Variants in VIP observed in about 807,000 individuals in gnomAD.
VIP encodes vasoactive intestinal peptide, also known as VIP peptides.
A neutral mutation model predicts 20.1 loss-of-function variants in VIP; 18 were observed. The observed-to-expected ratio is 0.90, with a 90% CI of 0.62 to 1.33. The LOEUF is 1.33. Ranked by LOEUF, VIP falls within the 40% of genes most tolerant of loss-of-function variation. The pLI, the probability that VIP is intolerant of heterozygous loss-of-function variation, is 0.00. For synonymous variants in VIP, 70 were observed against 68.1 expected (o/e 1.03, Z -0.14); for missense variants, 209 against 199.4 (o/e 1.05, Z -0.29).
At chr6:152,757,272 A>G in intron 6 of VIP, 88 bp downstream of exon 6, 1 of 820,490 alleles carries the variant, frequency 1.2e-6, no homozygotes, top group Non-Finnish European at 1.9e-6. Flanking sequence ...GAAACATCTT[A>G]GGGTTAAATA....
intron 1 of VIP, among the ~76,000 whole-genome samples, chr6:152,751,884 A>T (rs2099729697): frequency 6.6e-6 from 1 of 152,134 alleles, no homozygotes. Context: ...GATTGTCCCC[A>T]GGGTTATTTC....
At chr6:152,755,977 T>A (rs1000112823) in intron 4 of VIP, among the ~76,000 whole-genome samples, 157 bp from the exon 5 acceptor site, 1 of 151,954 alleles carries the variant, frequency 6.6e-6, no homozygotes, top group Non-Finnish European at 1.5e-5. Context: ...CTTTCCTTCA[T>A]CCTTAGGTTT....
rs2099730567 is a variant in VIP, at chr6:152,757,267, A to G, written c.*43+83A>G. The G allele has an allele frequency of 8.0e-6, 7 of 872,022 alleles. No homozygotes were observed. In the South Asian group the frequency reaches 1.2e-4, roughly 15 times the overall value. The allele number at this position is 872,022 out of a possible 1,614,324, so 54.0% of individuals were successfully genotyped here. On this transcript the variant is annotated intron_variant, in intron 6 of 6. Coordinates refer to ENST00000367244, the MANE Select transcript of VIP (RefSeq NM_003381.4). ...AGCTAAGAGTCACTTAGTAAGAAAC[A>G]TCTTAGGGTTAAATAGTTTCTCATC... is the stretch of plus-strand genomic sequence containing the variant.
intron 3 of VIP, among the ~76,000 whole-genome samples, chr6:152,754,962 T>TA (rs1414146484): frequency 2.0e-5 from 3 of 152,006 alleles, no homozygotes; most frequent in African/African-American, 7.2e-5. Context: ...ATCATATTTT[T>TA]ACACCAATAT....
At chr6:152,752,693 T>A (rs1351798016) in intron 2 of VIP, among the ~76,000 whole-genome samples, 2 of 152,148 alleles carry the variant, frequency 1.3e-5, no homozygotes, top group East Asian at 1.9e-4. Context: ...CAGTAAATAA[T>A]CATAAGACTA....
rs1454434630 is a variant in VIP, at chr6:152,755,255, C to T, written c.231-14C>T. 5.9e-6 allele frequency: 9 copies of T among 1,529,106 alleles called. No homozygotes were observed. Among genetic ancestry groups the T allele is most frequent in the Admixed American group, 4.2e-5 (2 of 47,142 alleles). The allele number at this position is 1,529,106 out of a possible 1,614,324, so 94.7% of individuals were successfully genotyped here. A position where few individuals can be genotyped will look rare whatever the true frequency, so the allele number is the denominator to read the frequency against. ...TTTACAAAATAATAGCTATTTTTTTCTTCCTTGTTTTAGAAATGCCAGGCA... is the reference window on the plus strand; with the variant it reads ...TTTACAAAATAATAGCTATTTTTTTTTTCCTTGTTTTAGAAATGCCAGGCA... On this transcript the variant is annotated splice_polypyrimidine_tract_variant and intron_variant, in intron 3 of 6. Transcript: ENST00000367244.
At chr6:152,754,985 AATAGTT>A (rs1228788369) in intron 3 of VIP, among the ~76,000 whole-genome samples, 2 of 151,972 alleles carry the variant, frequency 1.3e-5, no homozygotes, top group East Asian at 1.9e-4. Flanking sequence ...CTTAGAAAGA[AATAGTT>A]ATAAAGATTC....
At chr6:152,756,433 G>A (rs113844859) in intron 5 of VIP, among the ~76,000 whole-genome samples, 168 bp downstream of exon 5, 1 of 151,848 alleles carries the variant, frequency 6.6e-6, no homozygotes, top group African/African-American at 2.4e-5. Context: ...AAATACAGAT[G>A]TCTGGGCCTT....
At chr6:152,755,812 GTT>G (rs113416868) in intron 4 of VIP, among the ~76,000 whole-genome samples, 1 of 148,392 alleles carries the variant, frequency 6.7e-6, no homozygotes, top group African/African-American at 2.5e-5. Flanking sequence ...AAGTAATTAT[GTT>G]TTTTTTAAAA....
rs1163665513 is a variant in VIP at position 152,759,529 on chromosome 6, C to G, written c.*663C>G. On this transcript the variant is annotated 3_prime_UTR_variant, in exon 7 of 7. Coordinates refer to ENST00000367244, the MANE Select transcript of VIP (RefSeq NM_003381.4). Reference sequence around the variant, plus strand: ...AGTCTTTCAGTTAAGGAGAACGACCCCTGCTTCTGACACTGAAACTTCCCT... The same window carrying G: ...AGTCTTTCAGTTAAGGAGAACGACCGCTGCTTCTGACACTGAAACTTCCCT... The G allele has an allele frequency of 1.3e-5, 2 of 151,720 alleles. No individual in the cohort carries two copies. Among genetic ancestry groups the G allele is most frequent in the African/African-American group, 4.8e-5 (2 of 41,336 alleles). 9.4% of individuals were successfully genotyped at this position (151,720 alleles called of 1,614,324 possible). A position where few individuals can be genotyped will look rare whatever the true frequency, so the allele number is the denominator to read the frequency against.
At position 152,759,169 on chromosome 6, in the gene VIP, G is replaced by T. The variant is rs2099730857; in HGVS notation, c.*303G>T. The T allele has an allele frequency of 6.6e-6, 1 of 152,074 alleles. No individual in the cohort carries two copies. The highest frequency in any genetic ancestry group is 1.5e-5 in the Non-Finnish European group (1 of 67,942). The allele number at this position is 152,074 out of a possible 1,614,324, so 9.4% of individuals were successfully genotyped here. ...AACAAAAAAATATATTTAATGATAA[G>T]TAAATGCTAGGTTAATTCCAATTAT... On this transcript the variant is annotated 3_prime_UTR_variant, in exon 7 of 7. Transcript: ENST00000367244.
Position 152,750,899 on chromosome 6 carries a change from A to T in VIP, c.-71A>T, listed in dbSNP as rs1449207433. The T allele has an allele frequency of 6.6e-6, 1 of 152,186 alleles. No homozygotes were observed. The highest frequency in any genetic ancestry group is 1.9e-4 in the East Asian group (1 of 5,184). 9.4% of individuals were successfully genotyped at this position (152,186 alleles called of 1,614,324 possible). Reference sequence around the variant, plus strand: ...TTTCTCTTACTCCCAGGACTTCAGCACCTAAGACAGCTCCAAAACAAACCA... The same window carrying T: ...TTTCTCTTACTCCCAGGACTTCAGCTCCTAAGACAGCTCCAAAACAAACCA... On this transcript the variant is annotated 5_prime_UTR_variant, in exon 1 of 7. Transcript: ENST00000367244.
intron 1 of VIP, 32 bp from the exon 2 acceptor site, chr6:152,752,136 C>T (rs760049438): frequency 6.5e-7 from 1 of 1,534,162 alleles, no homozygotes; most frequent in Admixed American, 1.7e-5. Flanking sequence ...ACATCTTTGG[C>T]TGGAAGAACT....
chr6:152,752,141 A>G (rs751092863), intron 1 of VIP, 27 bp from the exon 2 acceptor site: 7 of 1,560,260 alleles, frequency 4.5e-6, no homozygotes, highest in Non-Finnish European at 6.2e-6. Flanking sequence ...TTTGGCTGGA[A>G]GAACTGAGGT....
In VIP at chr6:152,756,114, C is replaced by T; in HGVS notation, c.336-20C>T. The stretch of plus-strand genomic sequence containing the variant: ...TTTCTTGTGAAAACTCTTTGATTTC[C>T]TTTTCCTCATGTTCCTTAGCAGTAA... On this transcript the variant is annotated intron_variant, in intron 4 of 6. Coordinates refer to ENST00000367244, the MANE Select transcript of VIP (RefSeq NM_003381.4). 2.0e-6 allele frequency: 3 copies of T among 1,504,766 alleles called. No individual in the cohort carries two copies. The highest frequency in any genetic ancestry group is 2.8e-5 in the South Asian group (2 of 70,414). 93.2% of individuals were successfully genotyped at this position (1,504,766 alleles called of 1,614,324 possible).
rs1237196018 is a variant in VIP at position 152,758,896 on chromosome 6, T to A, written c.*44-14T>A. 6.6e-6 allele frequency: 1 copy of A among 152,212 alleles called. No homozygotes were observed. Among genetic ancestry groups the A allele is most frequent in the Non-Finnish European group, 1.5e-5 (1 of 67,962 alleles). 9.4% of individuals were successfully genotyped at this position (152,212 alleles called of 1,614,324 possible). A position where few individuals can be genotyped will look rare whatever the true frequency, so the allele number is the denominator to read the frequency against. On this transcript the variant is annotated splice_polypyrimidine_tract_variant and intron_variant, in intron 6 of 6. Coordinates refer to ENST00000367244, the MANE Select transcript of VIP (RefSeq NM_003381.4). ...TATATTTTATGCCTAAAGCAACAATTTTTTCTTTTTCAGAATTCTTGAAGG... is the reference window on the plus strand; with the variant it reads ...TATATTTTATGCCTAAAGCAACAATATTTTCTTTTTCAGAATTCTTGAAGG...
chr6:152,754,081 G>A lies in VIP; in HGVS notation c.108-85G>A, dbSNP rs2099730053. On this transcript the variant is annotated intron_variant, in intron 2 of 6. Transcript: ENST00000367244. ...TGGGTAATACTTCCCAAGAGTCTAA[G>A]TATCTTATTTTAAATGGTTGCGGAA... is the stretch of plus-strand genomic sequence containing the variant. 2.8e-6 allele frequency: 4 copies of A among 1,433,558 alleles called. No homozygotes were observed. The South Asian group carries it at 6.1e-5, about 22-fold the overall frequency. The allele number at this position is 1,433,558 out of a possible 1,614,324, so 88.8% of individuals were successfully genotyped here.
Position 152,755,372 on chromosome 6 carries a change from A to T in VIP, c.334A>T (p.Ser112Cys). 5 of 1,512,686 alleles carry T rather than the reference A, an allele frequency of 3.3e-6. No homozygotes were observed. Among genetic ancestry groups the T allele is most frequent in the Non-Finnish European group, 4.5e-6 (5 of 1,120,970 alleles). The allele number at this position is 1,512,686 out of a possible 1,614,324, so 93.7% of individuals were successfully genotyped here. The change falls in exon 4 of 7, where the codon AGC becomes TGC. Residue 112 changes from serine (S) to cysteine (C), a missense_variant and splice_region_variant. Ser to Cys is a moderately radical substitution (Grantham distance 112, BLOSUM62 -1). Transcript: ENST00000367244. ...TGAGTCTCTTATGGGAAAACGTGTT[A>T]GGTAAAGAGAATTTATTATTTTTAT... is the stretch of plus-strand genomic sequence containing the variant. ...YLESLMGKRV[S>C]SNISEDPVPV...
At chr6:152,753,591 C>G (rs1279334660) in intron 2 of VIP, among the ~76,000 whole-genome samples, 3 of 151,982 alleles carry the variant, frequency 2.0e-5, no homozygotes, top group African/African-American at 7.2e-5. Context: ...GATGAGCTAT[C>G]CATCTATGGA....
Sources: allele counts gnomAD v4.1 joint callset (sites outside exome capture counted in the v4.1 genomes callset), GRCh38; gene constraint gnomAD v4.1.1; transcripts MANE v1.5; gene names NCBI Gene and HGNC (gene_info 2026-07-23, HGNC 2026-07-21).